RFPL1: variants seen among roughly 807,000 people sequenced by gnomAD.
RFPL1 encodes the protein ret finger protein-like 1.
In RFPL1, 6 loss-of-function variants were observed where a neutral mutation model predicts 9.6. The ratio of observed to expected loss-of-function variants is 0.62; its 90% CI spans 0.34 to 1.23. The LOEUF is 1.23. RFPL1 is among the 50% of genes most tolerant of loss of function. RFPL1 has a pLI of 0.03. For missense variants in RFPL1, 352 were observed against 398.4 expected (o/e 0.88, Z 0.99); for synonymous variants, 145 against 149.4 (o/e 0.97, Z 0.22).
the RFPL1 span, among the ~76,000 whole-genome samples, chr22:29,400,750 C>T: frequency 6.6e-6 from 1 of 152,236 alleles, no homozygotes; most frequent in Admixed American, 6.5e-5. Context: ...TTCACTCTTT[C>T]CCCACTGCTG....
the RFPL1 span, among the ~76,000 whole-genome samples, chr22:29,418,433 C>A: frequency 3.6e-4 from 54 of 151,914 alleles, no homozygotes; most frequent in African/African-American, 1.2e-3. Context: ...TTAATATCAT[C>A]TGGCCACTTA....
chr22:29,418,584 C>G, the RFPL1 span, among the ~76,000 whole-genome samples: 167 of 149,902 alleles, frequency 1.1e-3, 1 homozygote, highest in Middle Eastern at 3.5e-3. Flanking sequence ...AATGCACCCT[C>G]TGTCTCCCAG....
At chr22:29,394,637 G>A in the RFPL1 span, among the ~76,000 whole-genome samples, 10 of 152,302 alleles carry the variant, frequency 6.6e-5, no homozygotes, top group Admixed American at 1.3e-4. Context: ...CCACTGCACC[G>A]GGCCTGGCCA....
intron 1 of RFPL1, chr22:29,440,580 T>A (rs67613029): frequency 0.17 from 25,434 of 152,094 alleles, 2,266 homozygotes; most frequent in African/African-American, 0.19. Flanking sequence ...TCTTTTTTTT[T>A]TTATTTTTTG....
exon 2 of RFPL1, chr22:29,442,175 A>T: frequency 1.5e-6 from 2 of 1,359,024 alleles, no homozygotes; most frequent in Non-Finnish European, 1.0e-6. Flanking sequence ...TTGGGTGGGC[A>T]GACTTAGGAA....
chr22:29,422,854 G>C, the RFPL1 span, among the ~76,000 whole-genome samples: 1 of 151,982 alleles, frequency 6.6e-6, no homozygotes, highest in Admixed American at 6.6e-5. Flanking sequence ...GATGCTGATA[G>C]GATTGTGTGT....
the RFPL1 span, among the ~76,000 whole-genome samples, chr22:29,399,276 T>G: frequency 2.0e-5 from 3 of 151,934 alleles, no homozygotes; most frequent in East Asian, 5.8e-4. Context: ...AAAAAAAAAG[T>G]TTTAAAATCT....
exon 1 of RFPL1, chr22:29,439,104 G>A: frequency 6.2e-7 from 1 of 1,614,132 alleles, no homozygotes; most frequent in Non-Finnish European, 8.5e-7. Context: ...CCACATCAAG[G>A]AACTGGAGCC....
At chr22:29,438,668 C>T (rs2062821118) in exon 1 of RFPL1, 6 of 1,526,476 alleles carry the variant, frequency 3.9e-6, no homozygotes, top group Admixed American at 4.0e-5. Flanking sequence ...AGTGATGATT[C>T]GTGACTTTCT....
At chr22:29,389,257 T>A in the RFPL1 span, among the ~76,000 whole-genome samples, 1 of 152,026 alleles carries the variant, frequency 6.6e-6, no homozygotes, top group African/African-American at 2.4e-5. Flanking sequence ...ACACAGTGGC[T>A]CATACCTGTA....
chr22:29,411,591 T>C, the RFPL1 span, among the ~76,000 whole-genome samples: 1 of 151,370 alleles, frequency 6.6e-6, no homozygotes, highest in South Asian at 2.1e-4. Flanking sequence ...ACTTTTACCT[T>C]AAAATTCAGA....
chr22:29,420,887 T>C, the RFPL1 span, among the ~76,000 whole-genome samples: 110 of 151,712 alleles, frequency 7.3e-4, 1 homozygote, highest in South Asian at 1.9e-3. Context: ...GTGATCCACC[T>C]GCCTTGGCCT....
the RFPL1 span, among the ~76,000 whole-genome samples, chr22:29,427,453 G>A: frequency 6.6e-6 from 1 of 152,208 alleles, no homozygotes; most frequent in Non-Finnish European, 1.5e-5. Flanking sequence ...ACCTGGCCCC[G>A]ATTCCTAACT....
the RFPL1 span, among the ~76,000 whole-genome samples, chr22:29,422,381 C>T: frequency 1.3e-5 from 2 of 152,132 alleles, no homozygotes; most frequent in Admixed American, 6.5e-5. Flanking sequence ...GAGTTTGAGA[C>T]CAGCCTGACA....
chr22:29,426,334 T>G, the RFPL1 span, among the ~76,000 whole-genome samples: 1 of 151,534 alleles, frequency 6.6e-6, no homozygotes, highest in African/African-American at 2.4e-5. Context: ...AAAAAAAAAA[T>G]TATTGATAAT....
chr22:29,434,480 T>A (rs2062799471), upstream of RFPL1: 1 of 158,622 alleles, frequency 6.3e-6, no homozygotes, highest in Non-Finnish European at 1.5e-5. Flanking sequence ...AATCGACTCA[T>A]CATTTCTGAA....
At chr22:29,422,501 C>T in the RFPL1 span, among the ~76,000 whole-genome samples, 7 of 152,184 alleles carry the variant, frequency 4.6e-5, no homozygotes, top group Non-Finnish European at 7.3e-5. Flanking sequence ...CGCTCGAACC[C>T]AGGAGGCAGA....
At chr22:29,431,004 G>A in the RFPL1 span, among the ~76,000 whole-genome samples, 2 of 152,128 alleles carry the variant, frequency 1.3e-5, no homozygotes, top group South Asian at 2.1e-4. Context: ...TTAAAATTAC[G>A]GCATGATTAA....
upstream of RFPL1, chr22:29,436,617 A>AAAGAAAT (rs928844196): frequency 3.3e-5 from 5 of 151,076 alleles, no homozygotes; most frequent in Admixed American, 3.3e-4. Context: ...AAAAAAAAAG[A>AAAGAAAT]AAGAAATGTT....
Sources: gnomAD v4.1 joint callset for allele counts (sites outside exome capture counted in the v4.1 genomes callset) on GRCh38, gnomAD v4.1.1 for gene constraint, MANE v1.5 for transcripts, NCBI Gene and HGNC (gene_info 2026-07-23, HGNC 2026-07-21) for gene names.